Variants in ACTR3C observed in about 807,000 individuals in gnomAD.
ACTR3C encodes actin-related protein 3C.
In ACTR3C, 18 loss-of-function variants were observed where a neutral mutation model predicts 26.3. The ratio of observed to expected loss-of-function variants is 0.68; its 90% CI spans 0.47 to 1.01. The LOEUF is 1.01. Ranked by LOEUF, ACTR3C falls within the 50% of genes least tolerant of loss-of-function variation. The pLI, the probability that ACTR3C is intolerant of heterozygous loss-of-function variation, is 0.00. For synonymous variants in ACTR3C, 55 were observed against 94.5 expected (o/e 0.58, Z 2.42); for missense variants, 184 against 250.7 (o/e 0.73, Z 1.80).
the ACTR3C span, among the ~76,000 whole-genome samples, chr7:149,898,919 C>T: frequency 6.6e-6 from 1 of 151,822 alleles, no homozygotes; most frequent in Non-Finnish European, 1.5e-5. Flanking sequence ...ATGGAGAAAT[C>T]TGTCTAAATA....
the ACTR3C span, among the ~76,000 whole-genome samples, chr7:149,920,998 T>A: frequency 6.6e-6 from 1 of 151,788 alleles, no homozygotes; most frequent in Admixed American, 6.6e-5. Context: ...CCAGGTGATC[T>A]GCCCACCTCG....
At chr7:150,261,208 A>C (rs1833612290) in intron 6 of ACTR3C, among the ~76,000 whole-genome samples, 1 of 152,212 alleles carries the variant, frequency 6.6e-6, no homozygotes. Flanking sequence ...TGCTGGTGAG[A>C]CCGTCACAGG....
chr7:150,066,735 C>T, the ACTR3C span, among the ~76,000 whole-genome samples: 6 of 151,816 alleles, frequency 4.0e-5, no homozygotes, highest in East Asian at 1.9e-4. Context: ...TATAAACACG[C>T]GCTGTGTGAT....
At chr7:150,078,510 C>T in the ACTR3C span, among the ~76,000 whole-genome samples, 3 of 149,522 alleles carry the variant, frequency 2.0e-5, no homozygotes, top group South Asian at 2.2e-4. Flanking sequence ...CTTCTGTAGC[C>T]GAATGTAAAG....
chr7:150,198,126 G>C, the ACTR3C span, among the ~76,000 whole-genome samples: 1 of 151,346 alleles, frequency 6.6e-6, no homozygotes, highest in African/African-American at 2.5e-5. Context: ...GATTGCAGAC[G>C]GAGTCTGGTT....
rs558007275 is a variant in ACTR3C at position 150,277,544 on chromosome 7, C to A, written c.564+7209G>T. On this transcript the variant is annotated intron_variant, in intron 6 of 7. Transcript: ENST00000683684. ...TCAAATCTCTATGTCTGGCCCAGAC[C>A]TGCAAAGCCTCCAACCTACAAATGC... Among the ~76,000 whole-genome samples, 237 of 152,276 alleles carry A rather than the reference C, an allele frequency of 1.6e-3. 1 individual carries two copies. The highest frequency in any genetic ancestry group is 3.4e-3 in the Middle Eastern group (1 of 294).
the ACTR3C span, among the ~76,000 whole-genome samples, chr7:149,920,912 A>G: frequency 6.6e-6 from 1 of 151,928 alleles, no homozygotes; most frequent in Admixed American, 6.6e-5. Context: ...ATTTACAGGC[A>G]TGCACCACCA....
the ACTR3C span, among the ~76,000 whole-genome samples, chr7:149,897,337 A>G: frequency 1.3e-5 from 2 of 152,272 alleles, no homozygotes; most frequent in African/African-American, 4.8e-5. Flanking sequence ...GAGCGAAAGC[A>G]TTTAACCTGT....
At chr7:149,883,608 C>T in the ACTR3C span, among the ~76,000 whole-genome samples, 1 of 152,216 alleles carries the variant, frequency 6.6e-6, no homozygotes, top group African/African-American at 2.4e-5. Context: ...CGCCTGCGTG[C>T]AGGATGAAGT....
downstream of ACTR3C, chr7:150,246,984 C>T (rs10429240): frequency 0.068 from 10,411 of 152,110 alleles, 1,172 homozygotes; most frequent in African/African-American, 0.24. Flanking sequence ...TTAGTAAAGA[C>T]GGGGTTTCTC....
chr7:150,253,535 A>G (rs538190741), intron 6 of ACTR3C, among the ~76,000 whole-genome samples: 1 of 152,310 alleles, frequency 6.6e-6, no homozygotes, highest in East Asian at 1.9e-4. Context: ...CCCTGGTGAC[A>G]TTGCATCATG....
At chr7:150,236,160 C>A in the ACTR3C span, among the ~76,000 whole-genome samples, 1 of 152,286 alleles carries the variant, frequency 6.6e-6, no homozygotes, top group East Asian at 1.9e-4. Context: ...TCACATTTAA[C>A]CCTGTATCTG....
chr7:150,299,261 C>T (rs1252550459), intron 1 of ACTR3C, among the ~76,000 whole-genome samples: 2 of 150,836 alleles, frequency 1.3e-5, no homozygotes, highest in Non-Finnish European at 3.0e-5. Flanking sequence ...GATTACAAGG[C>T]GTGAGCCACC....
chr7:149,891,995 A>G, the ACTR3C span, among the ~76,000 whole-genome samples: 2 of 131,260 alleles, frequency 1.5e-5, no homozygotes, highest in African/African-American at 5.2e-5. Flanking sequence ...TCAACCTGTC[A>G]ACAATTTTCC....
the ACTR3C span, among the ~76,000 whole-genome samples, chr7:150,013,562 T>C: frequency 1.3e-5 from 2 of 152,242 alleles, no homozygotes; most frequent in African/African-American, 4.8e-5. Flanking sequence ...AGGCACTGCA[T>C]GGAACCTGGG....
chr7:150,295,340 G>A lies in ACTR3C; in HGVS notation c.-44C>T. ...TCTGTTTTCTGGTGTATTGAGTGGA[G>A]GTTCTGTCTGTAAGAAAACATTCAC... On this transcript the variant is annotated 5_prime_UTR_variant, in exon 2 of 8. Transcript: ENST00000683684. 2.5e-6 allele frequency: 4 copies of A among 1,613,232 alleles called. No homozygotes were observed. The highest frequency in any genetic ancestry group is 2.2e-5 in the East Asian group (1 of 44,890).
At chr7:150,084,773 A>G in the ACTR3C span, among the ~76,000 whole-genome samples, 1 of 152,098 alleles carries the variant, frequency 6.6e-6, no homozygotes, top group South Asian at 2.1e-4. Context: ...GGGGTGATGG[A>G]TCTGACTTAT....
At chr7:149,977,117 C>T in the ACTR3C span, among the ~76,000 whole-genome samples, 4 of 152,098 alleles carry the variant, frequency 2.6e-5, no homozygotes, top group African/African-American at 9.7e-5. Context: ...CCACATCCCT[C>T]CCTTTCTCAC....
chr7:150,108,374 C>A, the ACTR3C span, among the ~76,000 whole-genome samples: 1 of 150,752 alleles, frequency 6.6e-6, no homozygotes, highest in South Asian at 2.1e-4. Flanking sequence ...GTAAGGAAGC[C>A]CAGTGAAGTA....
Sources: gnomAD v4.1 joint callset for allele counts (sites outside exome capture counted in the v4.1 genomes callset) on GRCh38, gnomAD v4.1.1 for gene constraint, MANE v1.5 for transcripts, NCBI Gene and HGNC (gene_info 2026-07-23, HGNC 2026-07-21) for gene names.